Variants in ADAMTS14 observed in about 807,000 individuals in gnomAD.
The protein encoded by ADAMTS14 is A disintegrin and metalloproteinase with thrombospondin motifs 14.
Under a neutral mutation model 128.6 loss-of-function variants are expected in ADAMTS14, and 100 were observed. The observed-to-expected ratio is 0.78, with a 90% confidence interval of 0.66 to 0.92. The LOEUF is 0.92. Ranked by LOEUF, ADAMTS14 falls within the 40% of genes least tolerant of loss-of-function variation. The pLI, the probability that ADAMTS14 is intolerant of heterozygous loss-of-function variation, is 0.00. For missense variants in ADAMTS14, 1,562 were observed against 1,658.6 expected (o/e 0.94, Z 1.01); for synonymous variants, 665 against 653.8 (o/e 1.02, Z -0.26).
intron 4 of ADAMTS14, among the ~76,000 whole-genome samples, chr10:70,713,002 G>A (rs1199739391): frequency 1.3e-5 from 2 of 152,240 alleles, no homozygotes; most frequent in Admixed American, 1.3e-4. Context: ...GATTCTGGCT[G>A]GGGTTAGGAG....
chr10:70,758,822 C>A (rs1246627602), intron 21 of ADAMTS14, among the ~76,000 whole-genome samples: 4 of 152,148 alleles, frequency 2.6e-5, no homozygotes, highest in African/African-American at 9.7e-5. Flanking sequence ...TTTCTCTCAG[C>A]CCCATGATTC....
At chr10:70,712,935 G>C (rs1422873866) in intron 4 of ADAMTS14, among the ~76,000 whole-genome samples, 3 of 152,212 alleles carry the variant, frequency 2.0e-5, no homozygotes, top group Non-Finnish European at 4.4e-5. Flanking sequence ...ACACAGCAGT[G>C]TGGTGGGATT....
chr10:70,708,621 G>T lies in ADAMTS14; in HGVS notation c.713G>T (p.Gly238Val), dbSNP rs769361733. 6.2e-7 allele frequency: 1 copy of T among 1,610,722 alleles called. No homozygotes were observed. The highest frequency in any genetic ancestry group is 1.1e-5 in the South Asian group (1 of 90,912). The change falls in exon 4 of 22, where the codon GGC becomes GTC. Residue 238 changes from glycine (G) to valine (V), a missense_variant. Physicochemically the swap from Gly to Val is moderately radical, Grantham distance 109 (BLOSUM62 -3). Transcript: ENST00000373207. ...FGLGDLPNLL[G>V]LVGDQLGDTE... ...CTGGGAGACCTTCCCAACCTGCTGG[G>T]CCTGGTGGGGGACCAGCTGGGCGAC...
intron 2 of ADAMTS14, among the ~76,000 whole-genome samples, chr10:70,688,853 G>GA (rs1840084070): frequency 1.4e-4 from 1 of 6,978 alleles, no homozygotes; most frequent in African/African-American, 1.4e-3. Context: ...CGGAGGGGGA[G>GA]GGGGAGGGGG....
At chr10:70,679,613 A>G (rs1467344538) in intron 2 of ADAMTS14, among the ~76,000 whole-genome samples, 3 of 152,186 alleles carry the variant, frequency 2.0e-5, no homozygotes, top group Admixed American at 1.3e-4. Flanking sequence ...TCCTACGGCC[A>G]TCTCTGCCTC....
chr10:70,707,585 C>T (rs907339900), intron 3 of ADAMTS14, among the ~76,000 whole-genome samples: 1 of 152,216 alleles, frequency 6.6e-6, no homozygotes, highest in Non-Finnish European at 1.5e-5. Context: ...ACTGACAGCG[C>T]TCAAGTTGTT....
At chr10:70,734,451 C>A (rs1841755161) in intron 8 of ADAMTS14, among the ~76,000 whole-genome samples, 1 of 152,232 alleles carries the variant, frequency 6.6e-6, no homozygotes, top group Admixed American at 6.5e-5. Flanking sequence ...GGCCCCAGCC[C>A]CCAGAGCTGC....
intron 6 of ADAMTS14, 62 bp downstream of exon 6, chr10:70,730,311 T>A: frequency 6.4e-7 from 1 of 1,559,998 alleles, no homozygotes; most frequent in East Asian, 2.3e-5. Flanking sequence ...AGACAGAGGC[T>A]GGGCCTGGAG....
At chr10:70,690,945 C>T (rs4747076) in intron 2 of ADAMTS14, among the ~76,000 whole-genome samples, 20 of 144,432 alleles carry the variant, frequency 1.4e-4, no homozygotes, top group African/African-American at 4.4e-4. Context: ...GCTCCTTCGC[C>T]GAGCTTGGTG....
At chr10:70,718,592 G>T (rs1841138772) in intron 4 of ADAMTS14, among the ~76,000 whole-genome samples, 1 of 151,806 alleles carries the variant, frequency 6.6e-6, no homozygotes. Context: ...CGCTGTGTTG[G>T]CCAGGCTTGT....
At chr10:70,732,053 A>G (rs1409431323) in intron 6 of ADAMTS14, among the ~76,000 whole-genome samples, 1 of 152,152 alleles carries the variant, frequency 6.6e-6, no homozygotes, top group Non-Finnish European at 1.5e-5. Context: ...CCAAGAGGGA[A>G]GCCATCAAGC....
rs376541666 is a variant in ADAMTS14 at position 70,751,605 on chromosome 10, C to T, written c.2555C>T (p.Ala852Val). The T allele has an allele frequency of 4.7e-5, 76 of 1,612,700 alleles. No individual in the cohort carries two copies. The highest frequency in any genetic ancestry group is 5.9e-5 in the Non-Finnish European group (69 of 1,178,936). Residue 852 changes from alanine (A) to valine (V), a missense_variant, in exon 17 of 22, where the codon GCG becomes GTG. Physicochemically the swap from Ala to Val is moderately conservative, Grantham distance 64. Transcript: ENST00000373207. ...LLEEMDTYEW[A>V]LKSWAPCSKA... ...GAGGAGATGGACACCTATGAGTGGG[C>T]GCTCAAGAGCTGGGCCCCCTGCAGC...
rs189424427 is a variant in ADAMTS14, at chr10:70,732,101, G to C, written c.1103-153G>C. Among the ~76,000 whole-genome samples the C allele has an allele frequency of 2.1e-3, 318 of 152,246 alleles. 1 individual carries two copies. Among genetic ancestry groups the C allele is most frequent in the African/African-American group, 7.4e-3 (308 of 41,534 alleles). On this transcript the variant is annotated intron_variant, in intron 6 of 21. Coordinates refer to ENST00000373207, the MANE Select transcript of ADAMTS14 (RefSeq NM_080722.4). ...GGGTGGCTTGGCCCAGGTTTGTTTG[G>C]CTGCAGGTGGGACTTTGTGAGCATC...
intron 4 of ADAMTS14, among the ~76,000 whole-genome samples, chr10:70,722,234 T>A (rs1438688862): frequency 6.6e-6 from 1 of 152,136 alleles, no homozygotes. Context: ...AGAGTCACCT[T>A]GTGCCTTGTG....
chr10:70,701,482 G>GGT (rs1482078047), intron 2 of ADAMTS14, among the ~76,000 whole-genome samples: 4 of 152,158 alleles, frequency 2.6e-5, no homozygotes, highest in Non-Finnish European at 5.9e-5. Context: ...AGGATGACAT[G>GGT]GTGTGTGTGT....
intron 2 of ADAMTS14, among the ~76,000 whole-genome samples, chr10:70,691,848 A>G (rs1450216814): frequency 1.3e-5 from 2 of 152,006 alleles, no homozygotes; most frequent in East Asian, 3.9e-4. Context: ...GAACGTACTT[A>G]TTGTATGCTC....
intron 4 of ADAMTS14, among the ~76,000 whole-genome samples, chr10:70,719,252 G>A (rs988399732): frequency 2.6e-5 from 4 of 152,114 alleles, no homozygotes; most frequent in African/African-American, 9.7e-5. Flanking sequence ...GGCAGAGAAT[G>A]ATGTGCTGGG....
chr10:70,740,479 C>A (rs933475547), intron 11 of ADAMTS14, among the ~76,000 whole-genome samples: 1 of 152,212 alleles, frequency 6.6e-6, no homozygotes, highest in African/African-American at 2.4e-5. Flanking sequence ...AGTGGCCTGG[C>A]CAAGGTTGCA....
intron 19 of ADAMTS14, among the ~76,000 whole-genome samples, chr10:70,755,806 G>A (rs1018879945): frequency 2.6e-5 from 4 of 152,182 alleles, no homozygotes; most frequent in Admixed American, 6.5e-5. Context: ...CCAAGATCAC[G>A]CCATTGTATT....
Sources: allele counts gnomAD v4.1 joint callset (sites outside exome capture counted in the v4.1 genomes callset), GRCh38; gene constraint gnomAD v4.1.1; transcripts MANE v1.5; gene names NCBI Gene and HGNC (gene_info 2026-07-23, HGNC 2026-07-21).